Variants in CNTNAP2 observed in about 807,000 individuals in gnomAD.
CNTNAP2 encodes the protein contactin associated protein 2, also known as contactin-associated protein-like 2.
In CNTNAP2, 98 loss-of-function variants were observed where a neutral mutation model predicts 155.2. That is an observed-to-expected ratio of 0.63 (90% CI 0.54 to 0.75). The LOEUF (loss-of-function observed/expected upper bound fraction) is 0.75, where lower values mean the gene tolerates loss of function less well. CNTNAP2 is among the 30% of genes least tolerant of loss of function. The pLI is 0.00. For missense variants in CNTNAP2, 1,727 were observed against 1,688.1 expected, an observed-to-expected ratio of 1.02 and a Z score of -0.40; for synonymous variants, 651 against 631.2, an observed-to-expected ratio of 1.03 and a Z score of -0.47.
chr7:147,856,857 C>T (rs1799048310), intron 13 of CNTNAP2, among the ~76,000 whole-genome samples: 1 of 151,948 alleles, frequency 6.6e-6, no homozygotes, highest in Non-Finnish European at 1.5e-5. Context: ...TTTGAAAATC[C>T]AGATCTTCCT....
At chr7:146,881,692 T>C (rs1049937544) in intron 3 of CNTNAP2, among the ~76,000 whole-genome samples, 5 of 150,580 alleles carry the variant, frequency 3.3e-5, no homozygotes, top group East Asian at 3.9e-4. Flanking sequence ...AAAAAATATA[T>C]ACAAGTTTTA....
chr7:147,042,295 A>G (rs1217514545), intron 3 of CNTNAP2, among the ~76,000 whole-genome samples: 1 of 152,232 alleles, frequency 6.6e-6, no homozygotes, highest in Non-Finnish European at 1.5e-5. Flanking sequence ...TGTCCATGTT[A>G]TAGACTAAAT....
intron 16 of CNTNAP2, among the ~76,000 whole-genome samples, chr7:148,127,386 G>C (rs1804738368): frequency 6.6e-6 from 1 of 152,164 alleles, no homozygotes; most frequent in African/African-American, 2.4e-5. Flanking sequence ...TAACATTCAG[G>C]AAAAGCAACC....
intron 1 of CNTNAP2, among the ~76,000 whole-genome samples, chr7:146,420,130 T>C (rs1035954021): frequency 2.6e-5 from 4 of 152,122 alleles, no homozygotes; most frequent in Non-Finnish European, 4.4e-5. Context: ...GAAATATTTG[T>C]AGACATGGAG....
At chr7:147,338,735 C>A (rs1315320060) in intron 9 of CNTNAP2, among the ~76,000 whole-genome samples, 1 of 151,954 alleles carries the variant, frequency 6.6e-6, no homozygotes, top group African/African-American at 2.4e-5. Flanking sequence ...AAAAAAAACT[C>A]CATAAAATTT....
intron 3 of CNTNAP2, among the ~76,000 whole-genome samples, chr7:146,897,313 C>T (rs1030997017): frequency 6.6e-6 from 1 of 152,062 alleles, no homozygotes; most frequent in Non-Finnish European, 1.5e-5. Context: ...TGAAGTGCAA[C>T]AATAAGGTAG....
intron 10 of CNTNAP2, among the ~76,000 whole-genome samples, chr7:147,435,656 C>T (rs953815076): frequency 3.3e-5 from 5 of 152,194 alleles, no homozygotes; most frequent in Admixed American, 6.5e-5. Flanking sequence ...CAAGCCTAGA[C>T]GCTACTGTTG....
At chr7:148,284,830 T>C (rs967059996) in intron 21 of CNTNAP2, among the ~76,000 whole-genome samples, 1 of 152,176 alleles carries the variant, frequency 6.6e-6, no homozygotes, top group East Asian at 1.9e-4. Context: ...AAGTCACTCC[T>C]TGTTTGAATG....
chr7:146,221,136 TC>T (rs1485928440), intron 1 of CNTNAP2, among the ~76,000 whole-genome samples: 1 of 152,196 alleles, frequency 6.6e-6, no homozygotes, highest in African/African-American at 2.4e-5. Flanking sequence ...CAGGTCCTCT[TC>T]CCACAACCAT....
intron 1 of CNTNAP2, among the ~76,000 whole-genome samples, chr7:146,447,410 C>A (rs1003215260): frequency 2.6e-5 from 4 of 152,016 alleles, no homozygotes; most frequent in Non-Finnish European, 4.4e-5. Context: ...AGTGACCCTT[C>A]TAAAGGCTAT....
At chr7:146,493,741 T>G (rs571021000) in intron 1 of CNTNAP2, among the ~76,000 whole-genome samples, 4 of 152,018 alleles carry the variant, frequency 2.6e-5, no homozygotes, top group Admixed American at 2.6e-4. Context: ...AGTTTATTAC[T>G]AAGAAAAAGG....
intron 1 of CNTNAP2, among the ~76,000 whole-genome samples, chr7:146,711,527 A>G (rs1328069089): frequency 6.7e-6 from 1 of 149,122 alleles, no homozygotes; most frequent in Non-Finnish European, 1.5e-5. Context: ...CAGCTTAGAC[A>G]TAACTATTTG....
chr7:146,191,095 T>C (rs1344629250), intron 1 of CNTNAP2, among the ~76,000 whole-genome samples: 1 of 148,570 alleles, frequency 6.7e-6, no homozygotes, highest in Non-Finnish European at 1.5e-5. Context: ...AATAATTCAA[T>C]GTAGGTTCTT....
chr7:146,442,736 G>C (rs557062296), intron 1 of CNTNAP2, among the ~76,000 whole-genome samples: 1 of 152,108 alleles, frequency 6.6e-6, no homozygotes, highest in South Asian at 2.1e-4. Context: ...AGCACACCTA[G>C]CCCTGTTCCG....
chr7:147,005,313 C>A (rs1212974605), intron 3 of CNTNAP2, among the ~76,000 whole-genome samples: 1 of 151,812 alleles, frequency 6.6e-6, no homozygotes, highest in African/African-American at 2.4e-5. Context: ...CTAGGAGCAA[C>A]CCTTGTTATT....
At chr7:147,884,579 C>T (rs1464123962) in intron 13 of CNTNAP2, among the ~76,000 whole-genome samples, 3 of 151,548 alleles carry the variant, frequency 2.0e-5, no homozygotes, top group East Asian at 1.9e-4. Flanking sequence ...AAAAGGCTAA[C>T]GAAACAAGTT....
intron 2 of CNTNAP2, among the ~76,000 whole-genome samples, chr7:146,777,749 A>T (rs938995124): frequency 3.3e-5 from 5 of 152,094 alleles, no homozygotes; most frequent in Non-Finnish European, 5.9e-5. Context: ...ATTTTTTAAT[A>T]GAAATGGGGT....
At chr7:147,191,004 A>G (rs756914530) in intron 8 of CNTNAP2, among the ~76,000 whole-genome samples, 1 of 152,170 alleles carries the variant, frequency 6.6e-6, no homozygotes, top group Non-Finnish European at 1.5e-5. Flanking sequence ...CTAACTTGGA[A>G]GATGTAAAGA....
intron 4 of CNTNAP2, among the ~76,000 whole-genome samples, chr7:147,062,043 G>A (rs2129262637): frequency 6.9e-6 from 1 of 145,886 alleles, no homozygotes; most frequent in Middle Eastern, 3.6e-3. Context: ...CAGGAGAATG[G>A]AGTGAACCCG....
Sources: allele counts gnomAD v4.1 joint callset (sites outside exome capture counted in the v4.1 genomes callset), GRCh38; gene constraint gnomAD v4.1.1; transcripts MANE v1.5; gene names NCBI Gene and HGNC (gene_info 2026-07-23, HGNC 2026-07-21).